Variants in CKAP5 observed in about 807,000 individuals in gnomAD.
CKAP5 encodes the protein cytoskeleton associated protein 5.
CKAP5 carries 27 observed loss-of-function variants against 232.8 expected under a neutral mutation model. The ratio of observed to expected loss-of-function variants is 0.12; its 90% CI spans 0.09 to 0.16. CKAP5 has a LOEUF of 0.16. CKAP5 is among the 10% of genes least tolerant of loss of function. CKAP5 has a pLI of 1.00. For missense variants in CKAP5, 1,838 were observed against 2,424.7 expected, an observed-to-expected ratio of 0.76 and a Z score of 5.08; for synonymous variants, 785 against 841.1, an observed-to-expected ratio of 0.93 and a Z score of 1.16.
intron 1 of CKAP5, among the ~76,000 whole-genome samples, chr11:46,835,055 T>G (rs1230286443): frequency 6.6e-6 from 1 of 152,070 alleles, no homozygotes; most frequent in Admixed American, 6.6e-5. Context: ...TCGCGACCTT[T>G]GTGATCAAGC....
At chr11:46,807,285 G>A (rs1448346997) in intron 8 of CKAP5, among the ~76,000 whole-genome samples, 3 of 152,158 alleles carry the variant, frequency 2.0e-5, no homozygotes, top group East Asian at 1.9e-4. Flanking sequence ...TTTAGTGTTC[G>A]CAGTGGCTTT....
Position 46,846,201 on chromosome 11 carries a change from A to C in CKAP5, c.-38+19T>G, listed in dbSNP as rs1176417884. The stretch of plus-strand genomic sequence containing the variant: ...CACTCGAGGGCCTCGCGGGTGGGGC[A>C]GGCCCACCGACCACTCACCTCAGCT... On this transcript the variant is annotated intron_variant, in intron 1 of 43. Coordinates refer to ENST00000529230, the MANE Select transcript of CKAP5 (RefSeq NM_001008938.4). 6.6e-6 allele frequency: 1 copy of C among 152,226 alleles called. No homozygotes were observed. The highest frequency in any genetic ancestry group is 1.5e-5 in the Non-Finnish European group (1 of 68,086). The allele number at this position is 152,226 out of a possible 1,614,324, so 9.4% of individuals were successfully genotyped here.
In CKAP5 at chr11:46,816,331, C is replaced by T; in HGVS notation, c.325G>A (p.Gly109Ser). Reference protein sequence around the residue: ...NQPKAKAKELGIEICLMYIEI... With the variant: ...NQPKAKAKELSIEICLMYIEI... The stretch of plus-strand genomic sequence containing the variant: ...ATGTACATAAGACAGATCTCTATGC[C>T]CAGCTCCTTGGCTTTAGCTTTAGGT... The change falls in exon 4 of 44, where the codon GGC (glycine) becomes AGC (serine). Residue 109 changes from glycine to serine, a missense_variant. Around this residue, in one of 6 missense-constraint regions of CKAP5, gnomAD observed 285 missense variants for 300.0 expected, o/e 0.95. Coordinates refer to ENST00000529230, the MANE Select transcript of CKAP5 (RefSeq NM_001008938.4). 1 of 1,614,074 alleles carries T rather than the reference C, an allele frequency of 6.2e-7. No individual in the cohort carries two copies. The highest frequency in any genetic ancestry group is 8.5e-7 in the Non-Finnish European group (1 of 1,179,990).
intron 4 of CKAP5, among the ~76,000 whole-genome samples, chr11:46,815,203 A>C (rs1164338215): frequency 6.6e-6 from 1 of 152,114 alleles, no homozygotes; most frequent in Non-Finnish European, 1.5e-5. Context: ...GGCATGCGCC[A>C]CCATGCCCAG....
chr11:46,824,752 C>T (rs894896499), intron 1 of CKAP5, among the ~76,000 whole-genome samples: 2 of 152,200 alleles, frequency 1.3e-5, no homozygotes, highest in East Asian at 1.9e-4. Context: ...TAGGGATGAG[C>T]AGACTGATCT....
intron 1 of CKAP5, among the ~76,000 whole-genome samples, chr11:46,841,104 A>T (rs1940042242): frequency 6.6e-6 from 1 of 152,128 alleles, no homozygotes; most frequent in Non-Finnish European, 1.5e-5. Flanking sequence ...CCCCGTCTCT[A>T]CTAAAAATAC....
Position 46,763,100 on chromosome 11 carries a change from G to A in CKAP5, c.3767C>T (p.Thr1256Ile). The part of the protein sequence containing the change: ...LKWLTLRFFD[T>I]NTSVLMKALE... ...TGCTTTCATCAGGACGCTTGTATTG[G>A]TGTCAAAAAACCTCAGGGTAAGCCA... Residue 1256 changes from threonine to isoleucine, a missense_variant, in exon 30 of 44, where the codon ACC becomes ATC. Transcript: ENST00000529230. The A allele has an allele frequency of 2.5e-6, 4 of 1,613,524 alleles. No homozygotes were observed. The highest frequency in any genetic ancestry group is 2.5e-6 in the Non-Finnish European group (3 of 1,179,540).
chr11:46,790,665 CAG>C (rs1282132111), intron 13 of CKAP5, 82 bp from the exon 14 acceptor site: 5 of 989,830 alleles, frequency 5.1e-6, no homozygotes, highest in Non-Finnish European at 7.4e-6. Flanking sequence ...TTTTTTGAGA[CAG>C]TGTCTCATAT....
At chr11:46,760,248 A>G (rs2065143340) in intron 33 of CKAP5, 2 of 351,266 alleles carry the variant, frequency 5.7e-6, no homozygotes, top group African/African-American at 2.1e-5. Flanking sequence ...CTCTACCCTG[A>G]TTATAAACTC....
At chr11:46,785,140 TTAAGTA>T (rs1402876125) in intron 16 of CKAP5, among the ~76,000 whole-genome samples, 4 of 152,338 alleles carry the variant, frequency 2.6e-5, no homozygotes, top group African/African-American at 9.6e-5. Flanking sequence ...TTGTTGGCTT[TTAAGTA>T]TAAGAATAAA....
chr11:46,827,837 T>C (rs532266666), intron 1 of CKAP5, among the ~76,000 whole-genome samples: 1 of 152,352 alleles, frequency 6.6e-6, no homozygotes, highest in Admixed American at 6.5e-5. Context: ...AGTTAAGTCC[T>C]AGTCTCTGAG....
intron 33 of CKAP5, 95 bp from the exon 34 acceptor site, chr11:46,759,537 A>T: frequency 7.9e-7 from 1 of 1,261,242 alleles, no homozygotes; most frequent in Non-Finnish European, 1.1e-6. Context: ...TTCAGGACAG[A>T]TGTTCAACTT....
At chr11:46,761,119 C>T (rs538797150) in intron 32 of CKAP5, among the ~76,000 whole-genome samples, 4 of 151,972 alleles carry the variant, frequency 2.6e-5, no homozygotes, top group Admixed American at 6.6e-5. Context: ...TGTGGTGGCA[C>T]GCGCCTGTAG....
intron 32 of CKAP5, among the ~76,000 whole-genome samples, chr11:46,761,602 G>C (rs976416550): frequency 6.6e-6 from 1 of 152,212 alleles, no homozygotes; most frequent in Non-Finnish European, 1.5e-5. Context: ...GCTCACGGCT[G>C]TAGCGCAAGA....
intron 1 of CKAP5, among the ~76,000 whole-genome samples, chr11:46,826,321 A>G (rs1939651690): frequency 6.6e-6 from 1 of 152,192 alleles, no homozygotes; most frequent in Non-Finnish European, 1.5e-5. Flanking sequence ...GCTGTGAATT[A>G]GGACAACTTG....
chr11:46,810,342 A>G (rs995019677), intron 5 of CKAP5, among the ~76,000 whole-genome samples: 1 of 151,942 alleles, frequency 6.6e-6, no homozygotes, highest in African/African-American at 2.4e-5. Flanking sequence ...ATTGAGAGAC[A>G]GGGTCTCAAC....
At chr11:46,759,243 T>C (rs2065136772) in intron 34 of CKAP5, 26 bp downstream of exon 34, 2 of 1,602,402 alleles carry the variant, frequency 1.2e-6, no homozygotes, top group Non-Finnish European at 1.7e-6. Context: ...GAACTGCTCA[T>C]ATTTAAATGA....
chr11:46,746,807 G>A (rs1429307211), intron 42 of CKAP5, among the ~76,000 whole-genome samples: 1 of 152,226 alleles, frequency 6.6e-6, no homozygotes, highest in African/African-American at 2.4e-5. Context: ...CATTATGACA[G>A]CTATGGTATC....
In CKAP5 at chr11:46,801,238, C is replaced by T; in HGVS notation, c.1045G>A (p.Val349Ile). 1 of 1,613,824 alleles carries T rather than the reference C, an allele frequency of 6.2e-7. No homozygotes were observed. Residue 349 changes from valine to isoleucine, a missense_variant, in exon 9 of 44, where the codon GTT becomes ATT. This residue lies in a region of CKAP5 where 97 missense variants were observed against 167.7 expected (regional missense o/e 0.58). Transcript: ENST00000529230. ...LAAKCLTGLAVGLRKKFGQYA... is the reference protein window; with the variant it reads ...LAAKCLTGLAIGLRKKFGQYA... ...TGTCCAAATTTCTTCCTTAGCCCAA[C>T]AGCCAGGCCAGTAAGACATTTTGCT...
Sources: gnomAD v4.1 joint callset for allele counts (sites outside exome capture counted in the v4.1 genomes callset) on GRCh38, gnomAD v4.1.1 for gene constraint, gnomAD v4.1.1 regional missense constraint, MANE v1.5 for transcripts, NCBI Gene and HGNC (gene_info 2026-07-23, HGNC 2026-07-21) for gene names.